Variants in WNK2 observed in about 807,000 individuals in gnomAD.
WNK2 encodes WNK lysine deficient protein kinase 2.
WNK2 carries 67 observed loss-of-function variants against 192.1 expected under a neutral mutation model. The ratio of observed to expected loss-of-function variants is 0.35; its 90% confidence interval spans 0.29 to 0.43. WNK2 has a LOEUF of 0.43. WNK2 is among the 20% of genes least tolerant of loss of function. WNK2 has a pLI of 1.00. For synonymous variants in WNK2, 1,439 were observed against 1,393.9 expected, an observed-to-expected ratio of 1.03 and a Z score of -0.72; for missense variants, 2,698 against 3,089.7, an observed-to-expected ratio of 0.87 and a Z score of 3.01.
rs769315746 is a variant in WNK2 at position 93,297,886 on chromosome 9, G to C, written c.5742G>C (p.Gln1914His). Residue 1914 changes from glutamine (Q) to histidine (H), a missense_variant, in exon 24 of 30, where the codon CAG becomes CAC. Around this residue, in one of 7 missense-constraint regions of WNK2, gnomAD observed 1,098 missense variants for 1,101.0 expected, o/e 1.00. Transcript: ENST00000427277. ...HLKEISELQS[Q>H]QKQEIEALYR... ...AGGAGATCTCGGAGCTGCAGAGCCA[G>C]CAGAAGCAGGAGATCGAAGCTCTGT... The C allele has an allele frequency of 6.3e-7, 1 of 1,592,910 alleles. No homozygotes were observed. Among genetic ancestry groups the C allele is most frequent in the South Asian group, 1.1e-5 (1 of 87,656 alleles).
chr9:93,320,223 G>A, intron 29 of WNK2, 144 bp from the exon 30 acceptor site: 1 of 831,002 alleles, frequency 1.2e-6, no homozygotes, highest in Non-Finnish European at 1.7e-6. Flanking sequence ...CTGAGGACAA[G>A]ACCATCTACA....
At chr9:93,214,627 T>C (rs546842923) in intron 2 of WNK2, among the ~76,000 whole-genome samples, 31 of 151,852 alleles carry the variant, frequency 2.0e-4, no homozygotes, top group Non-Finnish European at 2.7e-4. Flanking sequence ...GAGATGTTAT[T>C]GCATAGTCAT....
At chr9:93,269,060 T>C in intron 19 of WNK2, 2 of 975,556 alleles carry the variant, frequency 2.1e-6, no homozygotes, top group Non-Finnish European at 3.1e-6. Context: ...GGCAACTCCT[T>C]GCTCCTGTCC....
chr9:93,278,419 G>A (rs909162916), intron 19 of WNK2, among the ~76,000 whole-genome samples: 15 of 152,302 alleles, frequency 9.8e-5, no homozygotes, highest in Non-Finnish European at 2.2e-4. Context: ...ACACAGGCCT[G>A]GGAATGTCTG....
At chr9:93,298,125 C>G in intron 24 of WNK2, 58 bp downstream of exon 24, 1 of 1,529,158 alleles carries the variant, frequency 6.5e-7, no homozygotes. Context: ...CCGAGTGAGC[C>G]TGGGAGGTAG....
intron 7 of WNK2, among the ~76,000 whole-genome samples, chr9:93,244,397 T>A (rs1350754634): frequency 6.6e-6 from 1 of 152,146 alleles, no homozygotes; most frequent in Non-Finnish European, 1.5e-5. Flanking sequence ...CCCCTCCACC[T>A]TCATACTCTC....
Position 93,292,747 on chromosome 9 carries a change from C to T in WNK2, c.5282C>T (p.Ser1761Phe), listed in dbSNP as rs745571077. Residue 1761 changes from serine (S) to phenylalanine (F), a missense_variant, in exon 23 of 30, where the codon TCC becomes TTC. By Grantham distance (155) the Ser-to-Phe change is radical. Coordinates refer to ENST00000427277, the MANE Select transcript of WNK2 (RefSeq NM_006648.4). ...VSTQDEWTLA[S>F]PHSLRYSAPP... The stretch of plus-strand genomic sequence containing the variant: ...ACTCAGGACGAGTGGACCCTGGCCT[C>T]CCCCCACAGCCTGAGATACTCTGCC... 1.1e-5 allele frequency: 17 copies of T among 1,562,030 alleles called. No individual in the cohort carries two copies. Among genetic ancestry groups the T allele is most frequent in the Non-Finnish European group, 1.4e-5 (16 of 1,154,342 alleles).
Position 93,320,279 on chromosome 9 carries a change from G to C in WNK2, c.6629-88G>C, listed in dbSNP as rs1199145683. 3.0e-6 allele frequency: 4 copies of C among 1,344,514 alleles called. No homozygotes were observed. In the African/African-American group the frequency reaches 5.9e-5, roughly 20 times the overall value. 83.3% of individuals were successfully genotyped at this position (1,344,514 alleles called of 1,614,324 possible). On this transcript the variant is annotated intron_variant, in intron 29 of 29. Coordinates refer to ENST00000427277, the MANE Select transcript of WNK2 (RefSeq NM_006648.4). ...AGCTGGCGCAGCCTTCCCGTCGGCA[G>C]CTCCTGGGAGGGTGTCAGGGCCTGG...
chr9:93,251,392 C>T (rs956361576), intron 8 of WNK2, among the ~76,000 whole-genome samples: 13 of 152,122 alleles, frequency 8.5e-5, no homozygotes, highest in African/African-American at 3.1e-4. Flanking sequence ...GCTGGGATTA[C>T]AGGCATGAGC....
chr9:93,291,004 C>T (rs1432579726), intron 21 of WNK2, among the ~76,000 whole-genome samples: 7 of 152,316 alleles, frequency 4.6e-5, no homozygotes, highest in Admixed American at 6.5e-5. Flanking sequence ...ACATCAGCCG[C>T]AGGCGGGACC....
intron 2 of WNK2, among the ~76,000 whole-genome samples, chr9:93,208,696 GTGTC>G (rs1331237621): frequency 9.8e-4 from 4 of 4,076 alleles, no homozygotes; most frequent in East Asian, 6.9e-3. Flanking sequence ...TGTGTTCTGT[GTGTC>G]TGCGTGTTCT....
Position 93,289,114 on chromosome 9 carries a change from G to C in WNK2, c.4360G>C (p.Ala1454Pro), listed in dbSNP as rs751092151. ...LAVQPLVVGL[A>P]PCTPAPEAAS... ...TGTGCAGCCCCTCGTGGTGGGCCTA[G>C]CACCTTGCACTCCAGCTCCAGAGGC... The change falls in exon 20 of 30, where the codon GCA becomes CCA. Residue 1454 changes from alanine (A) to proline (P), a missense_variant. Coordinates refer to ENST00000427277, the MANE Select transcript of WNK2 (RefSeq NM_006648.4). The C allele has an allele frequency of 6.2e-7, 1 of 1,605,566 alleles. No individual in the cohort carries two copies. Among genetic ancestry groups the C allele is most frequent in the South Asian group, 1.1e-5 (1 of 90,444 alleles).
chr9:93,232,243 A>C (rs1163277421), intron 4 of WNK2, among the ~76,000 whole-genome samples: 1 of 152,174 alleles, frequency 6.6e-6, no homozygotes, highest in African/African-American at 2.4e-5. Context: ...GTCTGTTCAG[A>C]ATGTGACATC....
chr9:93,185,667 C>G (rs967238166), intron 2 of WNK2, 57 bp downstream of exon 2: 6 of 1,555,092 alleles, frequency 3.9e-6, no homozygotes, highest in Non-Finnish European at 5.2e-6. Context: ...CGAGTGCGTC[C>G]TTGGGCCTGT....
Position 93,262,506 on chromosome 9 carries a change from G to GC in WNK2, c.3361-159dup, listed in dbSNP as rs570383091. ...CCTCTATGCCTGCTCCCATTGTGAC[G>GC]CCCCCTGGGTCGTACCCACCTGGCT... On this transcript the variant is annotated intron_variant, in intron 13 of 29. Coordinates refer to ENST00000427277, the MANE Select transcript of WNK2 (RefSeq NM_006648.4). 3.4e-3 allele frequency among the ~76,000 whole-genome samples: 511 copies of GC among 152,276 alleles called. 5 individuals carry two copies. Among genetic ancestry groups the GC allele is most frequent in the African/African-American group, 0.012 (489 of 41,564 alleles).
At chr9:93,299,947 G>A in intron 25 of WNK2, 104 bp from the exon 26 acceptor site, 1 of 898,112 alleles carries the variant, frequency 1.1e-6, no homozygotes, top group Non-Finnish European at 1.8e-6. Context: ...AGCCGTGGAT[G>A]TTAAGTGACG....
chr9:93,263,771 TG>T, intron 15 of WNK2, 37 bp downstream of exon 15: 1 of 349,148 alleles, frequency 2.9e-6, no homozygotes, highest in South Asian at 2.3e-5. Context: ...GTGGTGGGGG[TG>T]GGGGCATGGT....
At chr9:93,260,462 T>A (rs2132912376) in intron 12 of WNK2, among the ~76,000 whole-genome samples, 1 of 152,236 alleles carries the variant, frequency 6.6e-6, no homozygotes, top group Middle Eastern at 3.4e-3. Context: ...GTCAGCCCTG[T>A]AACTGTGGCA....
At chr9:93,274,484 C>T (rs1179565102) in intron 19 of WNK2, among the ~76,000 whole-genome samples, 1 of 148,570 alleles carries the variant, frequency 6.7e-6, no homozygotes, top group Non-Finnish European at 1.5e-5. Flanking sequence ...TGCACTCCAG[C>T]CCGGGCAACA....
Sources: allele counts gnomAD v4.1 joint callset (sites outside exome capture counted in the v4.1 genomes callset), GRCh38; gene constraint gnomAD v4.1.1; regional missense constraint gnomAD v4.1.1; transcripts MANE v1.5; gene names NCBI Gene and HGNC (gene_info 2026-07-23, HGNC 2026-07-21).